The following COL4A5 variants were observed in gnomAD, a reference collection of about 807,000 sequenced individuals.
The protein encoded by COL4A5 is collagen type IV alpha 5 chain.
In COL4A5, 26 loss-of-function variants were observed where a neutral mutation model predicts 130.2. That is an observed-to-expected ratio of 0.20 (90% confidence interval 0.15 to 0.28). The LOEUF (loss-of-function observed/expected upper bound fraction) is 0.28. COL4A5 is among the 10% of genes least tolerant of loss of function. The pLI, the probability that COL4A5 is intolerant of heterozygous loss-of-function variation, is 1.00. For synonymous variants in COL4A5, 496 were observed against 439.6 expected (o/e 1.13, Z -1.60); for missense variants, 1,131 against 1,344.3 (o/e 0.84, Z 2.48).
chrX:108,646,714 G>A (rs1490019989), intron 36 of COL4A5, among the ~76,000 whole-genome samples: 14 of 111,854 alleles, frequency 1.3e-4, no homozygotes, highest in South Asian at 3.7e-4. Context: ...ATGGTTTTAC[G>A]TCTAACATTT....
At chrX:108,695,029 A>T in intron 51 of COL4A5, 108 bp downstream of exon 51, 3 of 705,059 alleles carry the variant, frequency 4.3e-6, no homozygotes, top group Admixed American at 4.9e-5. Context: ...AGAAGCTTAA[A>T]CTTCAAACAG....
At chrX:108,580,859 T>C (rs1468811996) in intron 15 of COL4A5, 121 bp downstream of exon 15, 1 of 958,137 alleles carries the variant, frequency 1.0e-6, no homozygotes, top group Non-Finnish European at 1.5e-6. Context: ...ATTATAATGT[T>C]GATGTCTAAA....
At chrX:108,643,286 C>T (rs1025005177) in intron 36 of COL4A5, among the ~76,000 whole-genome samples, 2 of 111,835 alleles carry the variant, frequency 1.8e-5, no homozygotes, top group Non-Finnish European at 3.8e-5. Context: ...GTTTGGAAAA[C>T]ATATTTGGGG....
chrX:108,554,481 A>G (rs1603274728), intron 2 of COL4A5, among the ~76,000 whole-genome samples: 2 of 111,288 alleles, frequency 1.8e-5, no homozygotes, highest in African/African-American at 6.5e-5. Context: ...TCCTCCCTCA[A>G]CACTTGGGGA....
At chrX:108,549,215 C>T (rs780992162) in intron 2 of COL4A5, among the ~76,000 whole-genome samples, 1 of 111,772 alleles carries the variant, frequency 8.9e-6, no homozygotes, top group East Asian at 2.8e-4. Flanking sequence ...GGTTGTGATT[C>T]TAACACTCCT....
chrX:108,608,939 C>G (rs956852787), intron 29 of COL4A5, among the ~76,000 whole-genome samples: 1 of 111,467 alleles, frequency 9.0e-6, no homozygotes, highest in Admixed American at 9.5e-5. Flanking sequence ...AGGCTTCTTT[C>G]ACTCAACATA....
chrX:108,678,513 A>C (rs1300124577), intron 44 of COL4A5, among the ~76,000 whole-genome samples: 2 of 111,453 alleles, frequency 1.8e-5, no homozygotes, highest in African/African-American at 6.5e-5. Context: ...CTTAAGATTA[A>C]AAATATTCTC....
At chrX:108,451,621 T>C (rs1198381377) in intron 1 of COL4A5, among the ~76,000 whole-genome samples, 15 of 109,931 alleles carry the variant, frequency 1.4e-4, no homozygotes, top group Middle Eastern at 4.2e-3. Flanking sequence ...TTTCATGTGT[T>C]TTTTGGCTGC....
intron 30 of COL4A5, among the ~76,000 whole-genome samples, chrX:108,617,697 G>C (rs2066955907): frequency 8.9e-6 from 1 of 111,790 alleles, no homozygotes; most frequent in Admixed American, 9.5e-5. Context: ...TACAATTACT[G>C]TCTTACTGAA....
chrX:108,554,300 A>T (rs1032360883), intron 2 of COL4A5, among the ~76,000 whole-genome samples: 2 of 111,815 alleles, frequency 1.8e-5, no homozygotes, highest in African/African-American at 6.5e-5. Flanking sequence ...TCATGGCAGA[A>T]GGCTTAGGGG....
At chrX:108,475,656 G>C (rs1271020021) in intron 1 of COL4A5, among the ~76,000 whole-genome samples, 1 of 110,872 alleles carries the variant, frequency 9.0e-6, no homozygotes, top group East Asian at 2.8e-4. Flanking sequence ...GTCACAACTG[G>C]GGGCTGTTAT....
In COL4A5 at chrX:108,666,661, A is replaced by G. The variant is rs886582391; in HGVS notation, c.3553+67A>G. The stretch of plus-strand genomic sequence containing the variant: ...TGTGTTGAATTTAACTTGCCTTTTT[A>G]TTACCCACAGTGAAATTGTATCTTC... On this transcript the variant is annotated intron_variant, in intron 39 of 52. Transcript: ENST00000328300. The G allele has an allele frequency of 8.2e-5, 72 of 882,062 alleles. No individual in the cohort carries two copies. In the Middle Eastern group the frequency reaches 2.0e-3, roughly 25 times the overall value. 72.7% of individuals were successfully genotyped at this position (882,062 alleles called of 1,213,427 possible). A position where few individuals can be genotyped will look rare whatever the true frequency, so the allele number is the denominator to read the frequency against.
chrX:108,620,524 T>A (rs1434218772), intron 31 of COL4A5, 98 bp downstream of exon 31: 1 of 721,598 alleles, frequency 1.4e-6, no homozygotes, highest in African/African-American at 2.1e-5. Context: ...TAGATTGACG[T>A]GATCCCTTAA....
intron 38 of COL4A5, among the ~76,000 whole-genome samples, chrX:108,666,049 A>AG (rs112924671): frequency 1.2e-5 from 1 of 83,434 alleles, no homozygotes; most frequent in African/African-American, 9.4e-5. Context: ...AAGACCCTCG[A>AG]AAAAAAAAAA....
At chrX:108,669,527 T>C (rs2068155135) in intron 41 of COL4A5, among the ~76,000 whole-genome samples, 1 of 112,170 alleles carries the variant, frequency 8.9e-6, no homozygotes, top group Admixed American at 9.4e-5. Context: ...GAAAGTATTG[T>C]TTAAGGTTTT....
At chrX:108,526,648 CTTTCTTTCTTTCTTCTTTCTTTCTCT>C (rs1281451540) in intron 1 of COL4A5, among the ~76,000 whole-genome samples, 4 of 52,210 alleles carry the variant, frequency 7.7e-5, no homozygotes, top group African/African-American at 1.1e-4. Context: ...TTCTTTCTTT[CTTTCTTTCTTTCTTCTTTCTTTCTCT>C]TTCTTTCTTT....
chrX:108,554,697 CA>C (rs959712272), intron 2 of COL4A5, among the ~76,000 whole-genome samples: 7 of 110,708 alleles, frequency 6.3e-5, no homozygotes, highest in Non-Finnish European at 1.3e-4. Flanking sequence ...CCTGTCTCTA[CA>C]AAAAATATAA....
At chrX:108,666,167 G>A (rs977681369) in intron 38 of COL4A5, among the ~76,000 whole-genome samples, 2 of 111,398 alleles carry the variant, frequency 1.8e-5, no homozygotes, top group Non-Finnish European at 3.8e-5. Context: ...AGAATGGCAG[G>A]CTGTAGTAAG....
At position 108,616,216 on chromosome X, in the gene COL4A5, T is replaced by G. The variant is rs773945528; in HGVS notation, c.2509+1192T>G. 1.7e-4 allele frequency among the ~76,000 whole-genome samples: 18 copies of G among 103,838 alleles called. No individual in the cohort carries two copies. In the East Asian group the frequency reaches 2.5e-3, roughly 15 times the overall value. 90.2% of individuals were successfully genotyped at this position (103,838 alleles called of 115,157 possible). ...ACTTATTTTTAGGTTTGACCTGCTGTTTTTTTTTTGTTGTTGTTGTTGTTT... is the reference window on the plus strand; with the variant it reads ...ACTTATTTTTAGGTTTGACCTGCTGGTTTTTTTTTGTTGTTGTTGTTGTTT... On this transcript the variant is annotated intron_variant, in intron 30 of 52. Coordinates refer to ENST00000328300, the MANE Select transcript of COL4A5 (RefSeq NM_033380.3).
Sources: gnomAD v4.1 joint callset for allele counts (sites outside exome capture counted in the v4.1 genomes callset) on GRCh38, gnomAD v4.1.1 for gene constraint, MANE v1.5 for transcripts, NCBI Gene and HGNC (gene_info 2026-07-23, HGNC 2026-07-21) for gene names.